Variants in TBC1D30 observed in about 807,000 individuals in gnomAD.
TBC1D30 encodes the protein TBC1 domain family, member 30.
A neutral mutation model predicts 63.2 loss-of-function variants in TBC1D30; 31 were observed. The ratio of observed to expected loss-of-function variants is 0.49; its 90% CI spans 0.37 to 0.66. The LOEUF is 0.66. TBC1D30 is among the 30% of genes least tolerant of loss of function. TBC1D30 has a pLI of 0.00. For synonymous variants in TBC1D30, 307 were observed against 361.5 expected (o/e 0.85, Z 1.71); for missense variants, 810 against 953.6 (o/e 0.85, Z 1.98).
At chr12:64,830,769 G>C (rs748314062) in intron 4 of TBC1D30, among the ~76,000 whole-genome samples, 9 of 152,194 alleles carry the variant, frequency 5.9e-5, no homozygotes, top group Non-Finnish European at 1.3e-4. Context: ...CTATAGGAAG[G>C]ACGCTTTGTC....
chr12:64,792,257 T>C (rs1871967734), intron 2 of TBC1D30, among the ~76,000 whole-genome samples: 1 of 152,246 alleles, frequency 6.6e-6, no homozygotes, highest in Admixed American at 6.5e-5. Flanking sequence ...AAAAGCTCCC[T>C]GTGTGCTCCT....
exon 1 of TBC1D30, chr12:64,759,591 C>T (rs958367310): frequency 2.5e-6 from 1 of 401,518 alleles, no homozygotes; most frequent in Non-Finnish European, 4.5e-6. Context: ...GGGCGGAGAA[C>T]CGGAGAAAAG....
At chr12:64,845,320 G>A (rs575799202) in intron 8 of TBC1D30, among the ~76,000 whole-genome samples, 10 of 152,084 alleles carry the variant, frequency 6.6e-5, no homozygotes, top group Admixed American at 5.2e-4. Context: ...TTAACTGGGT[G>A]AGATAATATT....
Position 64,876,843 on chromosome 12 carries a change from A to T in TBC1D30, c.*1055A>T. ...CTCCTGCCCTTTCTAGCTCTCTCTC[A>T]CCCAGCGGGTCAGGGATAGCACCTC... On this transcript the variant is annotated 3_prime_UTR_variant, in exon 12 of 12. Transcript: ENST00000539867. 2.2e-6 allele frequency: 1 copy of T among 455,792 alleles called. No individual in the cohort carries two copies. The allele number at this position is 455,792 out of a possible 1,614,324, so 28.2% of individuals were successfully genotyped here. A position where few individuals can be genotyped will look rare whatever the true frequency, so the allele number is the denominator to read the frequency against.
intron 2 of TBC1D30, among the ~76,000 whole-genome samples, chr12:64,807,680 G>A (rs1206119653): frequency 2.0e-5 from 3 of 152,028 alleles, no homozygotes; most frequent in South Asian, 4.1e-4. Flanking sequence ...TGGATCAAAA[G>A]CTAAAGCATC....
chr12:64,765,279 GA>G (rs1434076713), intron 1 of TBC1D30, among the ~76,000 whole-genome samples: 1 of 151,842 alleles, frequency 6.6e-6, no homozygotes, highest in Non-Finnish European at 1.5e-5. Flanking sequence ...ATGAGGTCAG[GA>G]GATCAAGACC....
At chr12:64,829,388 C>T (rs113121238) in intron 3 of TBC1D30, among the ~76,000 whole-genome samples, 4,602 of 152,134 alleles carry the variant, frequency 0.03, 215 homozygotes, top group African/African-American at 0.11. Context: ...TCCTCTTGGA[C>T]TGAATATAAG....
In TBC1D30 at chr12:64,866,850, C is replaced by G. The variant is rs1365682671; in HGVS notation, c.1238C>G (p.Pro413Arg). 1 of 1,536,116 alleles carries G rather than the reference C, an allele frequency of 6.5e-7. No homozygotes were observed. The highest frequency in any genetic ancestry group is 8.7e-7 in the Non-Finnish European group (1 of 1,146,940). ...AVVNAVGCLG[P>R]FSGFLAPELQ... ...GTTAATGCAGTGGGGTGTCTTGGAC[C>G]TTTTAGTGGGTTCCTGGCTCCTGAA... Residue 413 changes from proline (P) to arginine (R), a missense_variant, in exon 10 of 12, where the codon CCT becomes CGT. By Grantham distance (103) the Pro-to-Arg change is moderately radical (BLOSUM62 -2). Transcript: ENST00000539867.
chr12:64,781,066 C>A, exon 1 of TBC1D30: 1 of 1,019,118 alleles, frequency 9.8e-7, no homozygotes, highest in Non-Finnish European at 1.2e-6. Flanking sequence ...GCGGGCTGCT[C>A]AACGAGCTGT....
At chr12:64,760,887 G>C (rs2029719) in intron 1 of TBC1D30, among the ~76,000 whole-genome samples, 2,514 of 151,364 alleles carry the variant, frequency 0.017, 47 homozygotes, top group South Asian at 0.036. Context: ...GGTAATGCGC[G>C]GAGTCCTAAC....
chr12:64,821,089 A>G (rs769006509), upstream of TBC1D30, among the ~76,000 whole-genome samples: 1 of 152,248 alleles, frequency 6.6e-6, no homozygotes, highest in Non-Finnish European at 1.5e-5. Flanking sequence ...AGAAGAATCT[A>G]AAGAGAGGTC....
chr12:64,839,932 G>A (rs562028861), intron 7 of TBC1D30, among the ~76,000 whole-genome samples: 411 of 147,218 alleles, frequency 2.8e-3, no homozygotes, highest in Non-Finnish European at 4.8e-3. Context: ...GTGAACCCAG[G>A]GGACGGAGCT....
In TBC1D30 at chr12:64,767,307, T is replaced by G. The variant is rs145405962; in HGVS notation, c.-376+7658T>G. Among the ~76,000 whole-genome samples the G allele has an allele frequency of 3.8e-3, 570 of 151,838 alleles. 7 individuals carry two copies. The highest frequency in any genetic ancestry group is 0.013 in the African/African-American group (525 of 41,432). On this transcript the variant is annotated intron_variant, in intron 1 of 13. Coordinates refer to the TBC1D30 transcript ENST00000674237. ...AAATCTTGGTGGTCCCTATCAGAGATATCCCATATCTCCATTTAAGTAGCC... is the reference window on the plus strand; with the variant it reads ...AAATCTTGGTGGTCCCTATCAGAGAGATCCCATATCTCCATTTAAGTAGCC...
intron 2 of TBC1D30, among the ~76,000 whole-genome samples, chr12:64,802,742 T>C (rs976100904): frequency 1.3e-5 from 2 of 152,102 alleles, no homozygotes; most frequent in African/African-American, 4.8e-5. Flanking sequence ...TAAGAACATG[T>C]GGTGTTTGGT....
At chr12:64,786,633 G>A (rs1204093258) in intron 2 of TBC1D30, among the ~76,000 whole-genome samples, 10 of 151,984 alleles carry the variant, frequency 6.6e-5, no homozygotes. Context: ...GAGCCCCTGC[G>A]CCTGGACAAA....
Position 64,870,820 on chromosome 12 carries a change from C to G in TBC1D30, c.1498+12C>G. On this transcript the variant is annotated intron_variant, in intron 11 of 11. Coordinates refer to ENST00000539867, the MANE Select transcript of TBC1D30 (RefSeq NM_015279.2). ...GTACATCAGGGCAGGTAATGTGATT[C>G]TTCATTTGAATCAATTTCAGCTCTA... The G allele has an allele frequency of 6.5e-7, 1 of 1,535,648 alleles. No individual in the cohort carries two copies. The highest frequency in any genetic ancestry group is 8.7e-7 in the Non-Finnish European group (1 of 1,146,526).
intron 3 of TBC1D30, 101 bp downstream of exon 3, chr12:64,828,610 A>C: frequency 1.3e-6 from 1 of 749,632 alleles, no homozygotes; most frequent in Admixed American, 2.6e-5. Context: ...AGTTACTTGA[A>C]AACCTGTCTT....
chr12:64,875,095 C>G lies in TBC1D30; in HGVS notation c.1593C>G (p.Asn531Lys). 1 of 1,536,522 alleles carries G rather than the reference C, an allele frequency of 6.5e-7. No homozygotes were observed. Among genetic ancestry groups the G allele is most frequent in the Middle Eastern group, 1.7e-4 (1 of 5,992 alleles). Residue 531 changes from asparagine to lysine, a missense_variant, in exon 12 of 12, where the codon AAC becomes AAG. By Grantham distance (94) the Asn-to-Lys change is moderately conservative. This residue lies in a region of TBC1D30 where 450 missense variants were observed against 473.0 expected (regional missense o/e 0.95). Coordinates refer to ENST00000539867, the MANE Select transcript of TBC1D30 (RefSeq NM_015279.2). ...LLLGKKMKMT[N>K]RAAKNAVIHI... ...TAGGAAAGAAGATGAAAATGACTAA[C>G]AGAGCTGCCAAGAATGCTGTCATCC...
At chr12:64,835,565 G>T (rs11837119) in intron 5 of TBC1D30, among the ~76,000 whole-genome samples, 1 of 152,130 alleles carries the variant, frequency 6.6e-6, no homozygotes, top group East Asian at 1.9e-4. Context: ...AATGGGTCAG[G>T]TACATAGCAT....
Sources: allele counts gnomAD v4.1 joint callset (sites outside exome capture counted in the v4.1 genomes callset), GRCh38; gene constraint gnomAD v4.1.1; regional missense constraint gnomAD v4.1.1; transcripts MANE v1.5; gene names NCBI Gene and HGNC (gene_info 2026-07-23, HGNC 2026-07-21).